TTC9: variants seen among roughly 807,000 people sequenced by gnomAD.
The protein encoded by TTC9 is tetratricopeptide repeat protein 9A.
Under a neutral mutation model 22.9 loss-of-function variants are expected in TTC9, and 13 were observed. That is an observed-to-expected ratio of 0.57 (90% CI 0.37 to 0.90). The LOEUF (loss-of-function observed/expected upper bound fraction) is 0.90, where lower values mean the gene tolerates loss of function less well. Among genes scored for constraint, TTC9 ranks in the 40% least tolerant of loss-of-function variants. The pLI is 0.01. For missense variants in TTC9, 280 were observed against 291.8 expected, an observed-to-expected ratio of 0.96 and a Z score of 0.29; for synonymous variants, 148 against 133.2, an observed-to-expected ratio of 1.11 and a Z score of -0.77.
At chr14:70,643,544 C>T (rs1293221832) in intron 1 of TTC9, among the ~76,000 whole-genome samples, 1 of 152,204 alleles carries the variant, frequency 6.6e-6, no homozygotes, top group Non-Finnish European at 1.5e-5. Context: ...AAACAAAGGG[C>T]AGTTCCTCCT....
intron 1 of TTC9, among the ~76,000 whole-genome samples, chr14:70,662,510 C>T (rs1160206360): frequency 1.3e-5 from 2 of 151,952 alleles, no homozygotes; most frequent in African/African-American, 4.8e-5. Context: ...TTGTCCTCCC[C>T]AACAAAAGAT....
rs746088217 is a variant in TTC9 at position 70,671,204 on chromosome 14, G to A, written c.*49G>A. On this transcript the variant is annotated 3_prime_UTR_variant, in exon 3 of 3. Transcript: ENST00000256367. ...GCCCACGCCTGACCGGGGACTTCCA[G>A]GCATCCCCTGGCAGAGAGCCCCGTC... 2.6e-6 allele frequency: 4 copies of A among 1,512,456 alleles called. No individual in the cohort carries two copies. In the African/African-American group the frequency reaches 5.5e-5, roughly 21 times the overall value. The allele number at this position is 1,512,456 out of a possible 1,614,324, so 93.7% of individuals were successfully genotyped here. A position where few individuals can be genotyped will look rare whatever the true frequency, so the allele number is the denominator to read the frequency against.
intron 1 of TTC9, among the ~76,000 whole-genome samples, chr14:70,664,095 T>G (rs1244926862): frequency 6.6e-6 from 1 of 152,062 alleles, no homozygotes; most frequent in African/African-American, 2.4e-5. Flanking sequence ...GTGAAGTATT[T>G]AGCACCTCTG....
intron 1 of TTC9, among the ~76,000 whole-genome samples, chr14:70,659,090 C>A (rs1267664661): frequency 1.3e-5 from 2 of 150,256 alleles, no homozygotes; most frequent in African/African-American, 4.9e-5. Flanking sequence ...GATAGAGGAA[C>A]CTACACACGA....
intron 1 of TTC9, among the ~76,000 whole-genome samples, chr14:70,647,721 C>T (rs1240780745): frequency 6.6e-6 from 1 of 152,216 alleles, no homozygotes; most frequent in Admixed American, 6.5e-5. Context: ...TGTCCCTGCT[C>T]ATGCTGTGTT....
At chr14:70,659,213 A>C (rs1227657746) in intron 1 of TTC9, among the ~76,000 whole-genome samples, 2 of 151,716 alleles carry the variant, frequency 1.3e-5, no homozygotes, top group Non-Finnish European at 2.9e-5. Flanking sequence ...TGTGGATTCT[A>C]TCAGTGTCAA....
Position 70,642,175 on chromosome 14 carries a change from C to A in TTC9, c.46C>A (p.Pro16Thr), listed in dbSNP as rs1885822124. The A allele has an allele frequency of 8.3e-7, 1 of 1,203,698 alleles. No homozygotes were observed. Among genetic ancestry groups the A allele is most frequent in the Non-Finnish European group, 1.0e-6 (1 of 963,668 alleles). The allele number at this position is 1,203,698 out of a possible 1,614,324, so 74.6% of individuals were successfully genotyped here. ...SAAGAKGNPS[P>T]PAAGEGQRPP... ...GGCCGGGGCCAAGGGGAACCCGAGC[C>A]CGCCCGCGGCCGGAGAGGGGCAGCG... Residue 16 changes from proline to threonine, a missense_variant, in exon 1 of 3, where the codon CCG (proline) becomes ACG (threonine). Physicochemically the swap from Pro to Thr is conservative, Grantham distance 38. This residue lies in a region of TTC9 where 49 missense variants were observed against 39.8 expected (regional missense o/e 1.23). Transcript: ENST00000256367.
chr14:70,673,751 A>G lies in TTC9; in HGVS notation c.*2596A>G, dbSNP rs1046463115. 1.3e-5 allele frequency: 2 copies of G among 152,248 alleles called. No homozygotes were observed. Among genetic ancestry groups the G allele is most frequent in the Non-Finnish European group, 2.9e-5 (2 of 68,074 alleles). The allele number at this position is 152,248 out of a possible 1,614,324, so 9.4% of individuals were successfully genotyped here. A position where few individuals can be genotyped will look rare whatever the true frequency, so the allele number is the denominator to read the frequency against. ...GAAGGACTCCGAGTAATTATTCCCTATGCAGAGACAGGAGAGAGGTCTTGT... is the reference window on the plus strand; with the variant it reads ...GAAGGACTCCGAGTAATTATTCCCTGTGCAGAGACAGGAGAGAGGTCTTGT... On this transcript the variant is annotated 3_prime_UTR_variant, in exon 3 of 3. Coordinates refer to ENST00000256367, the MANE Select transcript of TTC9 (RefSeq NM_015351.2).
chr14:70,649,874 T>A (rs1885955533), intron 1 of TTC9, among the ~76,000 whole-genome samples: 1 of 152,200 alleles, frequency 6.6e-6, no homozygotes, highest in African/African-American at 2.4e-5. Flanking sequence ...AAGGGGAAAG[T>A]GTCCTGTGTT....
chr14:70,649,802 C>CT (rs2139640796), intron 1 of TTC9, among the ~76,000 whole-genome samples: 1 of 152,296 alleles, frequency 6.6e-6, no homozygotes, highest in South Asian at 2.1e-4. Flanking sequence ...GTTAGACATC[C>CT]TTTTACTGTG....
intron 1 of TTC9, among the ~76,000 whole-genome samples, chr14:70,655,287 G>C (rs528307410): frequency 1.3e-5 from 2 of 152,064 alleles, no homozygotes; most frequent in South Asian, 2.1e-4. Flanking sequence ...CTAGCTACTC[G>C]GGAGGCTGAG....
Position 70,649,305 on chromosome 14 carries a change from C to G in TTC9, c.406+6770C>G, listed in dbSNP as rs184985740. Among the ~76,000 whole-genome samples the G allele has an allele frequency of 1.5e-3, 223 of 152,340 alleles. 2 individuals carry two copies. The highest frequency in any genetic ancestry group is 5.2e-3 in the African/African-American group (218 of 41,570). ...TGAAAATGCTTTTCCCAGCATCTGTCTCTTGTTAGGGATCCAATAAATTCA... is the reference window on the plus strand; with the variant it reads ...TGAAAATGCTTTTCCCAGCATCTGTGTCTTGTTAGGGATCCAATAAATTCA... On this transcript the variant is annotated intron_variant, in intron 1 of 2. Transcript: ENST00000256367.
intron 1 of TTC9, among the ~76,000 whole-genome samples, chr14:70,654,891 A>T (rs946685697): frequency 9.2e-5 from 14 of 152,194 alleles, no homozygotes; most frequent in Admixed American, 7.2e-4. Context: ...CATTTGCCTT[A>T]TTTGAACTCA....
chr14:70,645,749 C>A (rs1885893273), intron 1 of TTC9, among the ~76,000 whole-genome samples: 1 of 152,160 alleles, frequency 6.6e-6, no homozygotes, highest in African/African-American at 2.4e-5. Flanking sequence ...GCTGAGTAGC[C>A]CAACAAGCTC....
At chr14:70,643,762 C>G (rs1020772214) in intron 1 of TTC9, among the ~76,000 whole-genome samples, 1 of 152,224 alleles carries the variant, frequency 6.6e-6, no homozygotes, top group Non-Finnish European at 1.5e-5. Flanking sequence ...CAGCCTACCT[C>G]TGTCTTCCCA....
In TTC9 at chr14:70,647,553, C is replaced by G. The variant is rs555469051; in HGVS notation, c.406+5018C>G. 1.1e-3 allele frequency among the ~76,000 whole-genome samples: 175 copies of G among 152,192 alleles called. 1 individual carries two copies. The highest frequency in any genetic ancestry group is 4.0e-3 in the African/African-American group (167 of 41,518). ...TTTCTAGTTTGAATGGAAAGAATGG[C>G]CCTTTGGGACTGGCAGCATATTCAT... is the stretch of plus-strand genomic sequence containing the variant. On this transcript the variant is annotated intron_variant, in intron 1 of 2. Coordinates refer to ENST00000256367, the MANE Select transcript of TTC9 (RefSeq NM_015351.2).
chr14:70,671,373 C>G lies in TTC9; in HGVS notation c.*218C>G, dbSNP rs1178963075. 1 of 466,656 alleles carries G rather than the reference C, an allele frequency of 2.1e-6. No homozygotes were observed. The highest frequency in any genetic ancestry group is 4.2e-5 in the East Asian group (1 of 23,870). 28.9% of individuals were successfully genotyped at this position (466,656 alleles called of 1,614,324 possible). On this transcript the variant is annotated 3_prime_UTR_variant, in exon 3 of 3. Transcript: ENST00000256367. ...GTCGCCCAGACAATGGAGACATCCT[C>G]TCCTCTAGCAGGTCAGCGACTGAGA...
At chr14:70,667,498 C>A in intron 1 of TTC9, 66 bp from the exon 2 acceptor site, 3 of 1,577,622 alleles carry the variant, frequency 1.9e-6, no homozygotes, top group Admixed American at 1.7e-5. Flanking sequence ...AGAGAAGCAA[C>A]TCAAGGGAAA....
At chr14:70,646,037 C>T (rs893730959) in intron 1 of TTC9, among the ~76,000 whole-genome samples, 2 of 152,136 alleles carry the variant, frequency 1.3e-5, no homozygotes, top group African/African-American at 2.4e-5. Flanking sequence ...TAAGAGATGT[C>T]GGTCTAAAAA....
Sources: gnomAD v4.1 joint callset for allele counts (sites outside exome capture counted in the v4.1 genomes callset) on GRCh38, gnomAD v4.1.1 for gene constraint, gnomAD v4.1.1 regional missense constraint, MANE v1.5 for transcripts, NCBI Gene and HGNC (gene_info 2026-07-23, HGNC 2026-07-21) for gene names.